PXDN: variants seen among roughly 807,000 people sequenced by gnomAD.
The protein encoded by PXDN is peroxidasin homolog.
Under a neutral mutation model 140.3 loss-of-function variants are expected in PXDN, and 77 were observed. The ratio of observed to expected loss-of-function variants is 0.55; its 90% CI spans 0.46 to 0.66. The LOEUF is 0.66. Ranked by LOEUF, PXDN falls within the 30% of genes least tolerant of loss-of-function variation. The probability of loss-of-function intolerance (pLI) is 0.00; values close to 1 mark genes in which losing one functional copy is unlikely to be tolerated. For synonymous variants in PXDN, 911 were observed against 857.4 expected, an observed-to-expected ratio of 1.06 and a Z score of -1.09; for missense variants, 1,838 against 2,039.5, an observed-to-expected ratio of 0.90 and a Z score of 1.90.
intron 19 of PXDN, among the ~76,000 whole-genome samples, chr2:1,641,020 C>A (rs1179032031): frequency 1.3e-5 from 2 of 152,240 alleles, no homozygotes; most frequent in Non-Finnish European, 2.9e-5. Flanking sequence ...TCTGTGCTGC[C>A]CAGGCTGGCC....
intron 9 of PXDN, among the ~76,000 whole-genome samples, chr2:1,673,083 G>A (rs1167655078): frequency 6.6e-6 from 1 of 152,226 alleles, no homozygotes; most frequent in African/African-American, 2.4e-5. Flanking sequence ...TAACACAGGT[G>A]GATCAGAGCA....
At chr2:1,744,684 C>A (rs1394573978), upstream of PXDN, 2 of 339,048 alleles carry the variant, frequency 5.9e-6, no homozygotes, top group African/African-American at 2.2e-5. Context: ...GTGGGGCGGC[C>A]CGCATGGCCA....
At chr2:1,676,873 C>CT in intron 8 of PXDN, 54 bp downstream of exon 8, 1 of 1,526,424 alleles carries the variant, frequency 6.6e-7, no homozygotes, top group Non-Finnish European at 8.9e-7. Context: ...GTTTGGGTGT[C>CT]TGAGTGTAAC....
Position 1,730,027 on chromosome 2 carries a change from G to GTC in PXDN, c.200+14228_200+14229insGA, listed in dbSNP as rs35027372. On this transcript the variant is annotated intron_variant, in intron 1 of 22. Transcript: ENST00000252804. ...TATCATGACCCAATTTTTGAAAATA[G>GTC]ATACATGACAGATAAATATTAACAG... is the stretch of plus-strand genomic sequence containing the variant. Among the ~76,000 whole-genome samples, 1,418 of 152,246 alleles carry GTC rather than the reference G, an allele frequency of 9.3e-3. 23 individuals are homozygous for GTC. Among genetic ancestry groups the GTC allele is most frequent in the African/African-American group, 0.032 (1,329 of 41,546 alleles).
intron 1 of PXDN, among the ~76,000 whole-genome samples, chr2:1,720,960 G>C (rs73182723): frequency 3.6e-4 from 55 of 152,244 alleles, no homozygotes; most frequent in African/African-American, 1.3e-3. Flanking sequence ...TCCAAAAGCC[G>C]CCTCTGCTGG....
At chr2:1,737,530 T>C (rs1685449294) in intron 1 of PXDN, among the ~76,000 whole-genome samples, 1 of 132,264 alleles carries the variant, frequency 7.6e-6, no homozygotes, top group Admixed American at 8.6e-5. Flanking sequence ...GGGAAAAACA[T>C]AATGCCTATT....
chr2:1,658,083 T>TCTCTCTCTCCCC lies in PXDN; in HGVS notation c.1837+2797_1837+2798insGGGGAGAGAGAG, dbSNP rs1553359702. ...CTCTCTCTCTCTCTCTCTCTCTCTCTCTCTCTCTCTGTTACAGTGTCTGCG... is the reference window on the plus strand; with the variant it reads ...CTCTCTCTCTCTCTCTCTCTCTCTCTCTCTCTCTCCCCCTCTCTCTCTGTTACAGTGTCTGCG... On this transcript the variant is annotated intron_variant, in intron 14 of 22. Transcript: ENST00000252804. 3.3e-3 allele frequency among the ~76,000 whole-genome samples: 259 copies of TCTCTCTCTCCCC among 77,754 alleles called. 67 individuals carry two copies. The highest frequency in any genetic ancestry group is 0.014 in the African/African-American group (239 of 17,576). 51.0% of individuals were successfully genotyped at this position (77,754 alleles called of 152,430 possible).
At position 1,648,236 on chromosome 2, in the gene PXDN, C is replaced by T; in HGVS notation, c.3544G>A (p.Ala1182Thr). The T allele has an allele frequency of 6.8e-6, 11 of 1,613,934 alleles. No individual in the cohort carries two copies. Among genetic ancestry groups the T allele is most frequent in the Non-Finnish European group, 9.3e-6 (11 of 1,179,852 alleles). ...TTTTTCAGGTCCTCGAACGTGTGTG[C>T]CGCCGATAGATTGCAGTAGACCCTG... ...DYRVYCNLSAAHTFEDLKNEI... is the reference protein window; with the variant it reads ...DYRVYCNLSATHTFEDLKNEI... The change falls in exon 17 of 23, where the codon GCA becomes ACA. Residue 1182 changes from alanine (A) to threonine (T), a missense_variant. This residue lies in a region of PXDN where 850 missense variants were observed against 894.1 expected (regional missense o/e 0.95). Transcript: ENST00000252804. The surrounding 1 kb of genome is among the most constrained non-coding windows in gnomAD (Gnocchi z 8.9).
chr2:1,725,806 A>T (rs1224263488), intron 1 of PXDN, among the ~76,000 whole-genome samples: 1 of 152,256 alleles, frequency 6.6e-6, no homozygotes, highest in Admixed American at 6.5e-5. Flanking sequence ...ACATTTATGT[A>T]GCCAAAAAAC....
At chr2:1,658,791 C>CA in intron 14 of PXDN, among the ~76,000 whole-genome samples, 1 of 138,774 alleles carries the variant, frequency 7.2e-6, no homozygotes. Flanking sequence ...CCCAGGACCC[C>CA]CCCACTCTAC....
chr2:1,653,999 T>C (rs915804192), intron 15 of PXDN: 1 of 575,850 alleles, frequency 1.7e-6, no homozygotes, highest in African/African-American at 1.9e-5. Flanking sequence ...AAATAATTAA[T>C]TAAGTCAATA....
chr2:1,680,343 G>A lies in PXDN; in HGVS notation c.580C>T (p.Leu194Phe). ...CACAGGATTTCACAGTCGCAGTGAAGTGTGTTTGAGTCCAGTCGCCTGTGG... is the reference window on the plus strand; with the variant it reads ...CACAGGATTTCACAGTCGCAGTGAAATGTGTTTGAGTCCAGTCGCCTGTGG... ...MKRLRLDSNT[L>F]HCDCEILWLA... Residue 194 changes from leucine to phenylalanine, a missense_variant, in exon 7 of 23, where the codon CTT becomes TTT. Leu to Phe is a conservative substitution (Grantham distance 22). This residue lies in a region of PXDN where 208 missense variants were observed against 325.8 expected (regional missense o/e 0.64). Transcript: ENST00000252804. 1 of 1,614,028 alleles carries A rather than the reference G, an allele frequency of 6.2e-7. No homozygotes were observed. Among genetic ancestry groups the A allele is most frequent in the Non-Finnish European group, 8.5e-7 (1 of 1,179,888 alleles).
At position 1,687,499 on chromosome 2, in the gene PXDN, G is replaced by T; in HGVS notation, c.416+133C>A. The T allele has an allele frequency of 3.5e-6, 2 of 577,316 alleles. No homozygotes were observed. The highest frequency in any genetic ancestry group is 3.2e-5 in the East Asian group (1 of 31,250). The allele number at this position is 577,316 out of a possible 1,614,324, so 35.8% of individuals were successfully genotyped here. On this transcript the variant is annotated intron_variant, in intron 4 of 22. Coordinates refer to ENST00000252804, the MANE Select transcript of PXDN (RefSeq NM_012293.3). The surrounding 1 kb of genome is among the most constrained non-coding windows in gnomAD (Gnocchi z 4.0). Reference sequence around the variant, plus strand: ...CCCATCCCTGTTTTTCCGTCATCATGCACGTACTCCCCGCACCTCAGGTAG... The same window carrying T: ...CCCATCCCTGTTTTTCCGTCATCATTCACGTACTCCCCGCACCTCAGGTAG...
chr2:1,682,705 C>T (rs1683935687), intron 6 of PXDN, among the ~76,000 whole-genome samples: 5 of 151,920 alleles, frequency 3.3e-5, no homozygotes, highest in African/African-American at 1.2e-4. Flanking sequence ...TTTGGGAGCC[C>T]AAGAAGGGCG....
chr2:1,656,413 C>T (rs973165693), intron 14 of PXDN, among the ~76,000 whole-genome samples: 1 of 152,232 alleles, frequency 6.6e-6, no homozygotes, highest in African/African-American at 2.4e-5. Context: ...AATCTTTTGA[C>T]AGACGCTGAC....
chr2:1,653,435 T>C, intron 16 of PXDN, 193 bp downstream of exon 16: 3 of 863,406 alleles, frequency 3.5e-6, no homozygotes, highest in East Asian at 2.9e-5. Flanking sequence ...CAGAGATTCC[T>C]ATTAAACCAA....
intron 1 of PXDN, among the ~76,000 whole-genome samples, chr2:1,725,397 C>G (rs955155852): frequency 6.6e-6 from 1 of 151,896 alleles, no homozygotes; most frequent in Non-Finnish European, 1.5e-5. Flanking sequence ...AAACTGGATC[C>G]CTTCCTTACA....
chr2:1,661,724 C>A (rs1159327781), intron 13 of PXDN, among the ~76,000 whole-genome samples: 1 of 152,174 alleles, frequency 6.6e-6, no homozygotes, highest in Non-Finnish European at 1.5e-5. Flanking sequence ...AAAACCCTTC[C>A]TTATTGATGA....
In PXDN at chr2:1,744,513, T is replaced by G; in HGVS notation, c.-58A>C. 1 of 1,302,194 alleles carries G rather than the reference T, an allele frequency of 7.7e-7. No homozygotes were observed. The highest frequency in any genetic ancestry group is 9.7e-7 in the Non-Finnish European group (1 of 1,029,954). 80.7% of individuals were successfully genotyped at this position (1,302,194 alleles called of 1,614,324 possible). A position where few individuals can be genotyped will look rare whatever the true frequency, so the allele number is the denominator to read the frequency against. ...GGAGCCACCACGGCCGGCTCCCGAC[T>G]GCGCCCGCCCGGCCGCGGCCCACGT... On this transcript the variant is annotated 5_prime_UTR_variant, in exon 1 of 23. Transcript: ENST00000252804.
Sources: allele counts gnomAD v4.1 joint callset (sites outside exome capture counted in the v4.1 genomes callset), GRCh38; gene constraint gnomAD v4.1.1; regional missense constraint gnomAD v4.1.1; non-coding constraint Gnocchi (gnomAD v3.1); transcripts MANE v1.5; gene names NCBI Gene and HGNC (gene_info 2026-07-23, HGNC 2026-07-21).